Variants in ITFG1 observed in about 807,000 individuals in gnomAD.
ITFG1 encodes the protein integrin alpha FG-GAP repeat containing 1, also known as T-cell immunomodulatory protein.
Under a neutral mutation model 81.8 loss-of-function variants are expected in ITFG1, and 34 were observed. That is an observed-to-expected ratio of 0.42 (90% CI 0.32 to 0.55). ITFG1 has a LOEUF of 0.55. ITFG1 is among the 20% of genes least tolerant of loss of function. The pLI is 0.17. For synonymous variants in ITFG1, 285 were observed against 270.6 expected (o/e 1.05, Z -0.52); for missense variants, 672 against 755.4 (o/e 0.89, Z 1.29).
intron 14 of ITFG1, among the ~76,000 whole-genome samples, chr16:47,196,091 T>C (rs775026326): frequency 1.3e-5 from 2 of 152,212 alleles, no homozygotes; most frequent in African/African-American, 2.4e-5. Flanking sequence ...GAGAAGAAGG[T>C]AGCTGTAATT....
intron 12 of ITFG1, among the ~76,000 whole-genome samples, chr16:47,251,665 C>G (rs1345124082): frequency 6.6e-6 from 1 of 152,216 alleles, no homozygotes; most frequent in Non-Finnish European, 1.5e-5. Flanking sequence ...TCCAAGAGCA[C>G]CAGTGGGTGC....
In ITFG1 at chr16:47,330,913, G is replaced by A. The variant is rs181586146; in HGVS notation, c.803-17090C>T. On this transcript the variant is annotated intron_variant, in intron 8 of 17. Coordinates refer to ENST00000320640, the MANE Select transcript of ITFG1 (RefSeq NM_030790.5). ...TTCAGCCACTGTGGAAAGTAGCTTG[G>A]AGATTTCTCAAAGAACTTAAAAGAG... 3.3e-5 allele frequency among the ~76,000 whole-genome samples: 5 copies of A among 152,282 alleles called. No individual in the cohort carries two copies. The East Asian group carries it at 9.7e-4, about 29-fold the overall frequency.
chr16:47,278,459 G>A (rs1013626378), intron 10 of ITFG1, among the ~76,000 whole-genome samples: 5 of 152,210 alleles, frequency 3.3e-5, no homozygotes, highest in East Asian at 1.9e-4. Flanking sequence ...CTGCTACCTC[G>A]CTCCACATTT....
intron 14 of ITFG1, among the ~76,000 whole-genome samples, chr16:47,177,087 G>A (rs1186958589): frequency 6.6e-6 from 1 of 151,808 alleles, no homozygotes; most frequent in Admixed American, 6.6e-5. Context: ...ATCCTCCAGA[G>A]TAGCTGGGAG....
At chr16:47,293,957 T>C (rs1186803090) in intron 10 of ITFG1, among the ~76,000 whole-genome samples, 1 of 152,054 alleles carries the variant, frequency 6.6e-6, no homozygotes, top group Non-Finnish European at 1.5e-5. Flanking sequence ...CCAGAAGAGT[T>C]TTCTTTCCAG....
At chr16:47,281,923 G>A (rs1966455405) in intron 10 of ITFG1, among the ~76,000 whole-genome samples, 1 of 151,928 alleles carries the variant, frequency 6.6e-6, no homozygotes, top group Admixed American at 6.6e-5. Context: ...GACATATTAT[G>A]TAGTGATGAA....
At chr16:47,246,370 T>C (rs1966002440) in intron 12 of ITFG1, among the ~76,000 whole-genome samples, 1 of 152,178 alleles carries the variant, frequency 6.6e-6, no homozygotes, top group Non-Finnish European at 1.5e-5. Flanking sequence ...ATATTTGCCA[T>C]AGATATGTGT....
intron 14 of ITFG1, among the ~76,000 whole-genome samples, chr16:47,217,144 G>GA (rs11456301): frequency 0.97 from 146,196 of 150,598 alleles, 70,979 homozygotes; most frequent in East Asian, 1. Flanking sequence ...ATCATTATAT[G>GA]AAAAAAAAAG....
chr16:47,346,746 A>G (rs1967860969), intron 8 of ITFG1, among the ~76,000 whole-genome samples: 1 of 152,206 alleles, frequency 6.6e-6, no homozygotes. Context: ...CAGGCCAATG[A>G]GCAATGAGAT....
At chr16:47,306,890 C>T (rs1164789967) in intron 10 of ITFG1, among the ~76,000 whole-genome samples, 4 of 151,428 alleles carry the variant, frequency 2.6e-5, no homozygotes, top group African/African-American at 7.3e-5. Flanking sequence ...GTCAGGAGAT[C>T]GAGACCATCC....
intron 14 of ITFG1, among the ~76,000 whole-genome samples, chr16:47,201,239 C>T (rs1295578663): frequency 2.1e-5 from 3 of 146,074 alleles, no homozygotes; most frequent in East Asian, 2.0e-4. Context: ...GACGGAGTCT[C>T]GCTCTGTTGC....
At chr16:47,298,866 C>T (rs558825263) in intron 10 of ITFG1, among the ~76,000 whole-genome samples, 46 of 152,180 alleles carry the variant, frequency 3.0e-4, no homozygotes, top group Non-Finnish European at 4.9e-4. Flanking sequence ...TCTGTAGAAG[C>T]GCTTTCAGTG....
intron 12 of ITFG1, among the ~76,000 whole-genome samples, chr16:47,244,657 C>T (rs1466406943): frequency 7.7e-6 from 1 of 130,018 alleles, no homozygotes; most frequent in Non-Finnish European, 1.6e-5. Flanking sequence ...GTGTATTTAC[C>T]CCTCTGTATG....
chr16:47,391,265 T>A (rs1968526901), intron 6 of ITFG1, among the ~76,000 whole-genome samples: 1 of 152,238 alleles, frequency 6.6e-6, no homozygotes, highest in Non-Finnish European at 1.5e-5. Flanking sequence ...AGTGTACATT[T>A]GAGCAAAGTT....
At chr16:47,262,398 TC>T (rs1254209051) in intron 10 of ITFG1, among the ~76,000 whole-genome samples, 1 of 152,226 alleles carries the variant, frequency 6.6e-6, no homozygotes, top group Non-Finnish European at 1.5e-5. Flanking sequence ...AACTTACCCA[TC>T]CTACCCTTTT....
intron 14 of ITFG1, among the ~76,000 whole-genome samples, chr16:47,169,337 T>C (rs1964931198): frequency 6.6e-6 from 1 of 152,238 alleles, no homozygotes; most frequent in African/African-American, 2.4e-5. Context: ...ATGGGATGTC[T>C]TTCCATTTAT....
intron 10 of ITFG1, among the ~76,000 whole-genome samples, chr16:47,281,135 C>T (rs563472223): frequency 1.2e-4 from 19 of 152,050 alleles, no homozygotes; most frequent in Non-Finnish European, 1.9e-4. Context: ...GGGACTGGAG[C>T]TTGAGATCGG....
chr16:47,249,207 C>T (rs942598792), intron 12 of ITFG1, among the ~76,000 whole-genome samples: 2 of 152,274 alleles, frequency 1.3e-5, no homozygotes, highest in Middle Eastern at 3.4e-3. Flanking sequence ...CACTTGAAGT[C>T]AGGAGTTTGA....
At chr16:47,365,125 C>T (rs1567475342) in intron 8 of ITFG1, among the ~76,000 whole-genome samples, 2 of 152,168 alleles carry the variant, frequency 1.3e-5, no homozygotes, top group East Asian at 3.9e-4. Context: ...ATGGTGATGT[C>T]TCATCTACAT....
Sources: allele counts gnomAD v4.1 joint callset (sites outside exome capture counted in the v4.1 genomes callset), GRCh38; gene constraint gnomAD v4.1.1; transcripts MANE v1.5; gene names NCBI Gene and HGNC (gene_info 2026-07-23, HGNC 2026-07-21).